Variants in CAMTA1 observed in about 807,000 individuals in gnomAD.
CAMTA1 encodes calmodulin-binding transcription activator 1.
Under a neutral mutation model 170.9 loss-of-function variants are expected in CAMTA1, and 27 were observed. That is an observed-to-expected ratio of 0.16 (90% CI 0.12 to 0.22). CAMTA1 has a LOEUF of 0.22. Among genes scored for constraint, CAMTA1 ranks in the 10% least tolerant of loss-of-function variants. The pLI is 1.00. For synonymous variants in CAMTA1, 833 were observed against 891.5 expected (o/e 0.93, Z 1.17); for missense variants, 1,619 against 2,217.2 (o/e 0.73, Z 5.42).
At chr1:7,751,838 G>A (rs186287872) in intron 20 of CAMTA1, among the ~76,000 whole-genome samples, 1 of 152,062 alleles carries the variant, frequency 6.6e-6, no homozygotes, top group East Asian at 1.9e-4. Flanking sequence ...AACTATTCTT[G>A]GAGTTATTTC....
rs116080084 is a variant in CAMTA1, at chr1:7,008,856, A to G, written c.235-82448A>G. 5.0e-3 allele frequency among the ~76,000 whole-genome samples: 761 copies of G among 152,356 alleles called. 8 individuals carry two copies. The highest frequency in any genetic ancestry group is 0.018 in the African/African-American group (743 of 41,582). On this transcript the variant is annotated intron_variant, in intron 3 of 22. Transcript: ENST00000303635. ...TTTAGTGAATGAAATATTTAACCTA[A>G]TTTCTATGCCTTAAGTGACCTAAGG...
chr1:7,680,815 G>C lies in CAMTA1; in HGVS notation c.2914+3082G>C, dbSNP rs569111506. 6.1e-5 allele frequency among the ~76,000 whole-genome samples: 9 copies of C among 147,624 alleles called. No homozygotes were observed. The highest frequency in any genetic ancestry group is 2.1e-4 in the South Asian group (1 of 4,712). On this transcript the variant is annotated intron_variant, in intron 11 of 22. Coordinates refer to ENST00000303635, the MANE Select transcript of CAMTA1 (RefSeq NM_015215.4). This position sits in a 1 kb window ranked among gnomAD's most constrained non-coding sequence, Gnocchi z 4.4. ...TGTTTGCTTGGCTAAAGGCCGGGGG[G>C]GGGCGTGGGTCCGGGGCGCAGAGAA...
chr1:7,341,615 A>G lies in CAMTA1; in HGVS notation c.438+91989A>G, dbSNP rs557160470. On this transcript the variant is annotated intron_variant, in intron 5 of 22. Transcript: ENST00000303635. Reference sequence around the variant, plus strand: ...AGCCCCAGCTGGCATTTGCCCAGCCATGGGGTGGTGGTGACCCCAGCCAGC... The same window carrying G: ...AGCCCCAGCTGGCATTTGCCCAGCCGTGGGGTGGTGGTGACCCCAGCCAGC... 3.0e-3 allele frequency among the ~76,000 whole-genome samples: 451 copies of G among 152,316 alleles called. 3 individuals carry two copies. The highest frequency in any genetic ancestry group is 4.3e-3 in the Non-Finnish European group (295 of 68,022).
In CAMTA1 at chr1:6,806,719, A is replaced by T. The variant is rs181608158; in HGVS notation, c.46-13462A>T. ...AGTTTGCTGATACCTTGCATGTTTT[A>T]AAAAAAATGTGGTATTCTGGTTAAT... On this transcript the variant is annotated intron_variant, in intron 1 of 22. Transcript: ENST00000303635. 8.6e-5 allele frequency among the ~76,000 whole-genome samples: 13 copies of T among 152,002 alleles called. No individual in the cohort carries two copies. The East Asian group carries it at 1.9e-3, about 23-fold the overall frequency.
At position 7,680,378 on chromosome 1, in the gene CAMTA1, GA is replaced by G. The variant is rs1432970561; in HGVS notation, c.2914+2647del. 6.6e-6 allele frequency among the ~76,000 whole-genome samples: 1 copy of G among 152,146 alleles called. No individual in the cohort carries two copies. The highest frequency in any genetic ancestry group is 2.4e-5 in the African/African-American group (1 of 41,464). ...CCGCGGAGAGGGGAGGAGGGCTGGG[GA>G]AGGGGTGGGCGCCAGGGGACTGCAG... On this transcript the variant is annotated intron_variant, in intron 11 of 22. Coordinates refer to ENST00000303635, the MANE Select transcript of CAMTA1 (RefSeq NM_015215.4). This position sits in a 1 kb window ranked among gnomAD's most constrained non-coding sequence, Gnocchi z 4.4.
chr1:7,047,142 G>A (rs1420144379), intron 3 of CAMTA1, among the ~76,000 whole-genome samples: 1 of 152,244 alleles, frequency 6.6e-6, no homozygotes, highest in Non-Finnish European at 1.5e-5. Flanking sequence ...GGATCCCTGA[G>A]TGACTACATG....
intron 6 of CAMTA1, among the ~76,000 whole-genome samples, chr1:7,587,240 C>T (rs2095318294): frequency 6.6e-6 from 1 of 152,050 alleles, no homozygotes; most frequent in Non-Finnish European, 1.5e-5. Flanking sequence ...GCCCATCCAC[C>T]CGCCGCCCCT....
chr1:6,938,251 T>C lies in CAMTA1; in HGVS notation c.234+113041T>C, dbSNP rs531858375. Among the ~76,000 whole-genome samples the C allele has an allele frequency of 7.9e-5, 12 of 152,316 alleles. No individual in the cohort carries two copies. In the East Asian group the frequency reaches 2.3e-3, roughly 29 times the overall value. On this transcript the variant is annotated intron_variant, in intron 3 of 22. Transcript: ENST00000303635. ...GAGTTTGAAGACTGGCCCATGGGGA[T>C]TTCCTTTCCCATGTGGCTGGCAAAT...
At chr1:7,661,590 C>G (rs960564714) in intron 7 of CAMTA1, 136 bp from the exon 8 acceptor site, 2 of 970,322 alleles carry the variant, frequency 2.1e-6, no homozygotes, top group Non-Finnish European at 3.1e-6. Flanking sequence ...CCCTACTCAT[C>G]AATTCGCCCC....
intron 5 of CAMTA1, among the ~76,000 whole-genome samples, chr1:7,367,359 C>T (rs1483037894): frequency 1.3e-5 from 2 of 152,268 alleles, no homozygotes; most frequent in South Asian, 2.1e-4. Context: ...CCCAGCCCTG[C>T]TCACTCCACA....
intron 7 of CAMTA1, among the ~76,000 whole-genome samples, chr1:7,652,377 C>T (rs972108274): frequency 1.2e-4 from 19 of 152,032 alleles, no homozygotes; most frequent in Non-Finnish European, 2.4e-4. Context: ...CAGTTCCTCC[C>T]GTGGGAGGCT....
chr1:7,171,092 G>C (rs1649504491), intron 4 of CAMTA1, among the ~76,000 whole-genome samples: 2 of 152,110 alleles, frequency 1.3e-5, no homozygotes, highest in Non-Finnish European at 2.9e-5. Flanking sequence ...AGTTTCTCCT[G>C]GTCTTCCCTT....
intron 3 of CAMTA1, among the ~76,000 whole-genome samples, chr1:7,075,100 T>G (rs548366281): frequency 1.3e-5 from 2 of 152,354 alleles, no homozygotes; most frequent in East Asian, 3.9e-4. Context: ...GTGGTTCTTA[T>G]TCTGTATTTC....
chr1:7,437,876 C>G lies in CAMTA1; in HGVS notation c.439-29954C>G, dbSNP rs552239509. Among the ~76,000 whole-genome samples, 8 of 152,318 alleles carry G rather than the reference C, an allele frequency of 5.3e-5. No homozygotes were observed. The East Asian group carries it at 1.5e-3, about 29-fold the overall frequency. Reference sequence around the variant, plus strand: ...CAGCACATGGGTGAAGCAGGCCGCACGACAGCCAAGGTTTTACCACCTGGG... The same window carrying G: ...CAGCACATGGGTGAAGCAGGCCGCAGGACAGCCAAGGTTTTACCACCTGGG... On this transcript the variant is annotated intron_variant, in intron 5 of 22. Coordinates refer to ENST00000303635, the MANE Select transcript of CAMTA1 (RefSeq NM_015215.4).
rs1402910147 is a variant in CAMTA1, at chr1:7,630,124, G to T, written c.511-10276G>T. On this transcript the variant is annotated intron_variant, in intron 6 of 22. Transcript: ENST00000303635. ...CCAGCCCGGGCCCCCACGCATACGT[G>T]CTGTTGGGCAGCCAGGTCTTGCTGC... is the stretch of plus-strand genomic sequence containing the variant. Among the ~76,000 whole-genome samples the T allele has an allele frequency of 3.9e-5, 6 of 152,184 alleles. No individual in the cohort carries two copies. The East Asian group carries it at 1.2e-3, about 29-fold the overall frequency.
At chr1:7,754,862 T>C (rs1382847120) in intron 21 of CAMTA1, among the ~76,000 whole-genome samples, 1 of 152,376 alleles carries the variant, frequency 6.6e-6, no homozygotes, top group South Asian at 2.1e-4. Flanking sequence ...TCAATTAATA[T>C]GTTCAATCTT....
chr1:6,816,851 C>A (rs1570397256), intron 1 of CAMTA1, among the ~76,000 whole-genome samples: 2 of 152,108 alleles, frequency 1.3e-5, no homozygotes, highest in African/African-American at 2.4e-5. Flanking sequence ...AGTTCCTGGC[C>A]CAGTGTTTGG....
At chr1:7,329,105 T>C (rs1021768938) in intron 5 of CAMTA1, among the ~76,000 whole-genome samples, 14 of 152,158 alleles carry the variant, frequency 9.2e-5, no homozygotes, top group Non-Finnish European at 1.6e-4. Context: ...AATCTGCCCT[T>C]AAAAATCCAA....
intron 5 of CAMTA1, among the ~76,000 whole-genome samples, chr1:7,459,130 CA>C (rs1485555133): frequency 2.6e-5 from 4 of 152,128 alleles, no homozygotes; most frequent in Non-Finnish European, 4.4e-5. Context: ...GAGCGAGGAC[CA>C]GGGGGTGGCC....
Sources: allele counts gnomAD v4.1 joint callset (sites outside exome capture counted in the v4.1 genomes callset), GRCh38; gene constraint gnomAD v4.1.1; non-coding constraint Gnocchi (gnomAD v3.1); transcripts MANE v1.5; gene names NCBI Gene and HGNC (gene_info 2026-07-23, HGNC 2026-07-21).